The following CTNNA3 variants were observed in gnomAD, a reference collection of about 807,000 sequenced individuals.
CTNNA3 encodes catenin alpha 3.
In CTNNA3, 76 loss-of-function variants were observed where a neutral mutation model predicts 95.7. The observed-to-expected ratio is 0.79, with a 90% CI of 0.66 to 0.96. The LOEUF (loss-of-function observed/expected upper bound fraction) is 0.96. Among genes scored for constraint, CTNNA3 ranks in the 40% least tolerant of loss-of-function variants. CTNNA3 has a pLI of 0.00. For missense variants in CTNNA3, 1,191 were observed against 1,089.8 expected (o/e 1.09, Z -1.31); for synonymous variants, 431 against 374.4 (o/e 1.15, Z -1.74).
In CTNNA3 at chr10:65,918,737, C is replaced by T. The variant is rs1013215319; in HGVS notation, c.*1593G>A. ...CTTGGAAGATTGAAATAATTCATTA[C>T]AAGAAATTTAACATTTCCTGCATAA... On this transcript the variant is annotated 3_prime_UTR_variant, in exon 18 of 18. Transcript: ENST00000433211. 3 of 151,754 alleles carry T rather than the reference C, an allele frequency of 2.0e-5. No individual in the cohort carries two copies. Among genetic ancestry groups the T allele is most frequent in the Non-Finnish European group, 4.4e-5 (3 of 67,908 alleles). The allele number at this position is 151,754 out of a possible 1,614,324, so 9.4% of individuals were successfully genotyped here.
intron 7 of CTNNA3, among the ~76,000 whole-genome samples, chr10:66,792,669 G>A (rs1306691373): frequency 1.3e-5 from 2 of 152,174 alleles, no homozygotes; most frequent in South Asian, 2.1e-4. Context: ...AGAATCAAAA[G>A]TCAATTACCA....
intron 9 of CTNNA3, among the ~76,000 whole-genome samples, chr10:66,624,383 C>T (rs1417932907): frequency 6.6e-6 from 1 of 151,994 alleles, no homozygotes; most frequent in African/African-American, 2.4e-5. Flanking sequence ...TAATCTATCT[C>T]TCAACTAATG....
At chr10:66,209,916 T>G (rs545771732) in intron 13 of CTNNA3, among the ~76,000 whole-genome samples, 1 of 152,104 alleles carries the variant, frequency 6.6e-6, no homozygotes, top group Admixed American at 6.6e-5. Flanking sequence ...TATGCAAAAG[T>G]AAGAGAGACA....
intron 2 of CTNNA3, among the ~76,000 whole-genome samples, chr10:67,638,124 A>T (rs1475445427): frequency 1.3e-5 from 2 of 152,192 alleles, no homozygotes; most frequent in African/African-American, 2.4e-5. Context: ...AACCCATCTC[A>T]CGTGCAGAGA....
chr10:67,222,498 G>C (rs1359617946), intron 5 of CTNNA3, among the ~76,000 whole-genome samples: 1 of 152,180 alleles, frequency 6.6e-6, no homozygotes, highest in African/African-American at 2.4e-5. Flanking sequence ...GGAAAATAGA[G>C]AAAAGGTGTA....
chr10:66,699,183 G>A (rs1039086441), intron 9 of CTNNA3, among the ~76,000 whole-genome samples: 11 of 152,138 alleles, frequency 7.2e-5, no homozygotes, highest in African/African-American at 2.7e-4. Context: ...GAATGTAGGA[G>A]TGCAGATATA....
chr10:67,628,675 G>T (rs887348723), intron 2 of CTNNA3, among the ~76,000 whole-genome samples: 3 of 152,002 alleles, frequency 2.0e-5, no homozygotes, highest in Non-Finnish European at 2.9e-5. Flanking sequence ...GTTAGTATGT[G>T]TTCCAAAACT....
rs185506309 is a variant in CTNNA3 at position 66,157,237 on chromosome 10, T to G, written c.1885-53988A>C. Among the ~76,000 whole-genome samples the G allele has an allele frequency of 2.5e-3, 384 of 152,108 alleles. 2 individuals carry two copies. Among genetic ancestry groups the G allele is most frequent in the African/African-American group, 8.9e-3 (370 of 41,546 alleles). ...GTCCCCAAAGTCCATTGTATCATTC[T>G]TATGCCTTTGCATCCTCATAGCTTA... On this transcript the variant is annotated intron_variant, in intron 13 of 17. Transcript: ENST00000433211.
At chr10:66,299,876 G>A (rs1388264615) in intron 12 of CTNNA3, among the ~76,000 whole-genome samples, 2 of 151,934 alleles carry the variant, frequency 1.3e-5, no homozygotes, top group Non-Finnish European at 2.9e-5. Context: ...TCCAGAAATA[G>A]TAAAATACAA....
chr10:66,239,248 C>T (rs922242517), intron 13 of CTNNA3, among the ~76,000 whole-genome samples: 7 of 151,204 alleles, frequency 4.6e-5, no homozygotes, highest in Admixed American at 6.6e-5. Flanking sequence ...TATTTTAATG[C>T]TAAAATATAA....
intron 5 of CTNNA3, among the ~76,000 whole-genome samples, chr10:67,517,965 T>C (rs1839873133): frequency 1.3e-5 from 2 of 152,158 alleles, no homozygotes; most frequent in Non-Finnish European, 2.9e-5. Context: ...ACAGAAAACA[T>C]ATAATAGCTA....
chr10:66,738,764 T>C (rs931703537), intron 9 of CTNNA3, among the ~76,000 whole-genome samples: 6 of 152,196 alleles, frequency 3.9e-5, no homozygotes, highest in Admixed American at 6.5e-5. Flanking sequence ...TTAAGTGAGA[T>C]TGTATCATCT....
At chr10:66,794,947 G>C (rs1399318469) in intron 7 of CTNNA3, among the ~76,000 whole-genome samples, 1 of 152,116 alleles carries the variant, frequency 6.6e-6, no homozygotes, top group Non-Finnish European at 1.5e-5. Context: ...TCCTAAGATT[G>C]TTATAATTCA....
intron 4 of CTNNA3, among the ~76,000 whole-genome samples, chr10:67,529,965 C>T (rs10823058): frequency 0.4 from 60,303 of 151,790 alleles, 15,304 homozygotes; most frequent in African/African-American, 0.69. Flanking sequence ...CGAGATCTGA[C>T]GGTTTTAAAG....
At chr10:67,638,327 C>T (rs933968636) in intron 2 of CTNNA3, among the ~76,000 whole-genome samples, 2 of 152,148 alleles carry the variant, frequency 1.3e-5, no homozygotes, top group African/African-American at 2.4e-5. Context: ...AATATATATG[C>T]ACCCAATACA....
intron 11 of CTNNA3, among the ~76,000 whole-genome samples, chr10:66,482,788 G>C (rs1839584313): frequency 6.6e-6 from 1 of 152,076 alleles, no homozygotes; most frequent in Admixed American, 6.6e-5. Context: ...AAATAAATTA[G>C]TAGGATTTGG....
chr10:67,701,581 A>G (rs1176304068), intron 1 of CTNNA3, among the ~76,000 whole-genome samples: 1 of 152,214 alleles, frequency 6.6e-6, no homozygotes, highest in Non-Finnish European at 1.5e-5. Context: ...ATGCTGAGAG[A>G]TTTTGTCACC....
chr10:66,709,933 T>C (rs1848238755), intron 9 of CTNNA3, among the ~76,000 whole-genome samples: 1 of 152,132 alleles, frequency 6.6e-6, no homozygotes, highest in East Asian at 1.9e-4. Context: ...GAAATGCTAT[T>C]AGAAATTAAG....
intron 3 of CTNNA3, among the ~76,000 whole-genome samples, chr10:67,577,702 A>ATGTGTG (rs112856846): frequency 6.7e-6 from 1 of 149,294 alleles, no homozygotes; most frequent in Admixed American, 6.7e-5. Context: ...ATACACACAT[A>ATGTGTG]TGTGTGTGTG....
Sources: allele counts gnomAD v4.1 joint callset (sites outside exome capture counted in the v4.1 genomes callset), GRCh38; gene constraint gnomAD v4.1.1; transcripts MANE v1.5; gene names NCBI Gene and HGNC (gene_info 2026-07-23, HGNC 2026-07-21).